The following FOXP2 variants were observed in gnomAD, a reference collection of about 807,000 sequenced individuals.
The protein encoded by FOXP2 is forkhead box protein P2.
In FOXP2, 12 loss-of-function variants were observed where a neutral mutation model predicts 115.8. The observed-to-expected ratio is 0.10, with a 90% CI of 0.07 to 0.17. The LOEUF is 0.17. Ranked by LOEUF, FOXP2 falls within the 10% of genes least tolerant of loss-of-function variation. The probability of loss-of-function intolerance (pLI) is 1.00; values close to 1 mark genes in which losing one functional copy is unlikely to be tolerated. For synonymous variants in FOXP2, 328 were observed against 297.7 expected, an observed-to-expected ratio of 1.10 and a Z score of -1.05; for missense variants, 629 against 843.5, an observed-to-expected ratio of 0.75 and a Z score of 3.15.
At chr7:114,095,937 G>A (rs1428935779) in intron 1 of FOXP2, among the ~76,000 whole-genome samples, 2 of 152,146 alleles carry the variant, frequency 1.3e-5, no homozygotes, top group East Asian at 1.9e-4. Context: ...AAGGGCACAG[G>A]GGTTTTATAC....
At chr7:114,302,756 G>A (rs1796907985) in intron 2 of FOXP2, among the ~76,000 whole-genome samples, 3 of 152,100 alleles carry the variant, frequency 2.0e-5, no homozygotes, top group Admixed American at 2.0e-4. Context: ...TAGCAGACTG[G>A]AGCAAGTGAT....
intron 1 of FOXP2, among the ~76,000 whole-genome samples, chr7:114,267,690 GC>G (rs1195341405): frequency 6.7e-6 from 1 of 150,192 alleles, no homozygotes; most frequent in Non-Finnish European, 1.5e-5. Context: ...TTGTGCCACT[GC>G]ACTCCAGCCT....
Position 114,219,518 on chromosome 7 carries a change from AC to A in FOXP2, c.-102+56431del, listed in dbSNP as rs1342935487. On this transcript the variant is annotated intron_variant, in intron 1 of 17. Coordinates refer to the FOXP2 transcript ENST00000634411. ...GTTTTAAACATTGTTAGCACTTTAAACGACCTACTTTATTAGGCAAAACATT... is the reference window on the plus strand; with the variant it reads ...GTTTTAAACATTGTTAGCACTTTAAAGACCTACTTTATTAGGCAAAACATT... Among the ~76,000 whole-genome samples the A allele has an allele frequency of 2.6e-5, 4 of 152,288 alleles. No homozygotes were observed. In the South Asian group the frequency reaches 8.3e-4, roughly 32 times the overall value.
At chr7:114,419,782 T>A (rs1235658109) in intron 1 of FOXP2, 1 of 151,010 alleles carries the variant, frequency 6.6e-6, no homozygotes, top group African/African-American at 2.5e-5. Context: ...CTGACCAGAT[T>A]CTAAAACTCC....
chr7:114,613,973 A>G (rs984061770), intron 3 of FOXP2: 2 of 152,080 alleles, frequency 1.3e-5, no homozygotes, highest in Admixed American at 6.6e-5. Context: ...CCAGTCTCCT[A>G]TTGATTGTCA....
chr7:114,591,741 C>G (rs1208952950), intron 3 of FOXP2, among the ~76,000 whole-genome samples: 1 of 152,068 alleles, frequency 6.6e-6, no homozygotes, highest in African/African-American at 2.4e-5. Context: ...CAGGGTTACA[C>G]CTTGTTTGCT....
chr7:114,615,572 G>T (rs1803895799), intron 3 of FOXP2, among the ~76,000 whole-genome samples: 1 of 152,104 alleles, frequency 6.6e-6, no homozygotes, highest in Non-Finnish European at 1.5e-5. Flanking sequence ...CTCTAGCTGG[G>T]CTGTCTCAAC....
chr7:114,255,601 A>C (rs1795589393), intron 1 of FOXP2, among the ~76,000 whole-genome samples: 1 of 152,214 alleles, frequency 6.6e-6, no homozygotes, highest in South Asian at 2.1e-4. Flanking sequence ...CCAGGCGGGC[A>C]ATATAATCTC....
intron 2 of FOXP2, among the ~76,000 whole-genome samples, chr7:114,350,792 T>G (rs1791466976): frequency 6.6e-6 from 1 of 152,164 alleles, no homozygotes; most frequent in Non-Finnish European, 1.5e-5. Context: ...ATATTTTTAT[T>G]ATATTTCTTT....
chr7:114,245,507 T>A (rs182365339), intron 1 of FOXP2, among the ~76,000 whole-genome samples: 1 of 152,198 alleles, frequency 6.6e-6, no homozygotes. Flanking sequence ...TATCTATATA[T>A]CCAACTTAAC....
intron 2 of FOXP2, among the ~76,000 whole-genome samples, chr7:114,307,779 G>A (rs1426226560): frequency 6.6e-6 from 1 of 152,148 alleles, no homozygotes; most frequent in Non-Finnish European, 1.5e-5. Context: ...GGCATTGGGG[G>A]TGGGGAGAGG....
chr7:114,455,134 A>G (rs1795253063), intron 2 of FOXP2, among the ~76,000 whole-genome samples: 1 of 152,162 alleles, frequency 6.6e-6, no homozygotes, highest in African/African-American at 2.4e-5. Context: ...ATGTATGCAT[A>G]TTCAATGTCC....
intron 10 of FOXP2, 158 bp downstream of exon 10, chr7:114,654,167 T>C: frequency 6.7e-7 from 1 of 1,495,960 alleles, no homozygotes; most frequent in Non-Finnish European, 9.0e-7. Flanking sequence ...TGTATGTTTC[T>C]TTTAAAGTAA....
chr7:114,624,526 T>G (rs936338404), intron 3 of FOXP2, among the ~76,000 whole-genome samples: 1 of 151,886 alleles, frequency 6.6e-6, no homozygotes, highest in Non-Finnish European at 1.5e-5. Flanking sequence ...ATAATTGGGA[T>G]GTTTAATTAA....
chr7:114,127,669 T>C (rs944231560), intron 1 of FOXP2, among the ~76,000 whole-genome samples: 1 of 152,188 alleles, frequency 6.6e-6, no homozygotes, highest in Non-Finnish European at 1.5e-5. Context: ...AACAGACTTT[T>C]TGAATTCATG....
chr7:114,186,314 A>G (rs1793606497), intron 1 of FOXP2, among the ~76,000 whole-genome samples: 1 of 152,180 alleles, frequency 6.6e-6, no homozygotes, highest in Admixed American at 6.5e-5. Flanking sequence ...TCAAGGCACC[A>G]TTCATCTTGA....
chr7:114,249,064 G>A (rs1001665307), intron 1 of FOXP2, among the ~76,000 whole-genome samples: 3 of 152,102 alleles, frequency 2.0e-5, no homozygotes, highest in Non-Finnish European at 2.9e-5. Flanking sequence ...TATGGAACTC[G>A]TGTTTCATTA....
intron 2 of FOXP2, among the ~76,000 whole-genome samples, chr7:114,320,445 GTGTT>G (rs377215215): frequency 0.015 from 2,278 of 152,124 alleles, 24 homozygotes; most frequent in African/African-American, 0.027. Context: ...ACTTAATTAC[GTGTT>G]TGTTTGTTTG....
chr7:114,106,502 G>A (rs1020511141), intron 1 of FOXP2, among the ~76,000 whole-genome samples: 17 of 151,908 alleles, frequency 1.1e-4, no homozygotes, highest in Admixed American at 3.3e-4. Context: ...ATTTTGAGGA[G>A]CTGGAAGAAA....
Sources: allele counts gnomAD v4.1 joint callset (sites outside exome capture counted in the v4.1 genomes callset), GRCh38; gene constraint gnomAD v4.1.1; transcripts MANE v1.5; gene names NCBI Gene and HGNC (gene_info 2026-07-23, HGNC 2026-07-21).